The following TAF2 variants were observed in gnomAD, a reference collection of about 807,000 sequenced individuals.
TAF2 encodes the protein transcription initiation factor TFIID subunit 2.
TAF2 carries 61 observed loss-of-function variants against 138.5 expected under a neutral mutation model. The observed-to-expected ratio is 0.44, with a 90% CI of 0.36 to 0.54. TAF2 has a LOEUF of 0.54. Among genes scored for constraint, TAF2 ranks in the 20% least tolerant of loss-of-function variants. TAF2 has a pLI of 0.00. For missense variants in TAF2, 1,090 were observed against 1,427.9 expected (o/e 0.76, Z 3.81); for synonymous variants, 475 against 469.9 (o/e 1.01, Z -0.14).
In TAF2 at chr8:119,830,903, C is replaced by T. The variant is rs186801230; in HGVS notation, c.138+774G>A. ...GGTGAATCACTTGAGGTCAGGAGTTCGAGACCAGCCTGGCCAACATGGAGA... is the reference window on the plus strand; with the variant it reads ...GGTGAATCACTTGAGGTCAGGAGTTTGAGACCAGCCTGGCCAACATGGAGA... On this transcript the variant is annotated intron_variant, in intron 2 of 25. Transcript: ENST00000378164. Among the ~76,000 whole-genome samples the T allele has an allele frequency of 1.9e-3, 287 of 152,166 alleles. 1 individual carries two copies. The highest frequency in any genetic ancestry group is 3.2e-3 in the Admixed American group (49 of 15,260).
intron 20 of TAF2, 131 bp downstream of exon 20, chr8:119,760,467 TA>T (rs1820985958): frequency 3.0e-6 from 3 of 1,006,844 alleles, no homozygotes; most frequent in South Asian, 1.7e-5. Context: ...AGATGATTTC[TA>T]AATCACTAAG....
chr8:119,763,222 G>C (rs1821185806), intron 18 of TAF2, among the ~76,000 whole-genome samples: 1 of 151,900 alleles, frequency 6.6e-6, no homozygotes, highest in Non-Finnish European at 1.5e-5. Context: ...TACGGGGCAG[G>C]AAAAAAAGCA....
chr8:119,733,042 G>A (rs572981316), intron 25 of TAF2, among the ~76,000 whole-genome samples: 1 of 152,144 alleles, frequency 6.6e-6, no homozygotes, highest in East Asian at 1.9e-4. Context: ...AGATAGAAGA[G>A]CTGGTTTTTC....
intron 18 of TAF2, among the ~76,000 whole-genome samples, chr8:119,772,290 T>C (rs900493219): frequency 2.0e-5 from 3 of 152,116 alleles, no homozygotes; most frequent in African/African-American, 7.2e-5. Flanking sequence ...AAGAACAAAA[T>C]AGTCTTGTGC....
Position 119,778,133 on chromosome 8 carries a change from C to T in TAF2, c.2254-4G>A. 6.4e-7 allele frequency: 1 copy of T among 1,560,962 alleles called. No homozygotes were observed. Among genetic ancestry groups the T allele is most frequent in the African/African-American group, 1.6e-5 (1 of 63,858 alleles). On this transcript the variant is annotated splice_polypyrimidine_tract_variant and splice_region_variant and intron_variant, in intron 17 of 25. Coordinates refer to ENST00000378164, the MANE Select transcript of TAF2 (RefSeq NM_003184.4). ...AAGCCATTGCAACTGGCATAGTCTA[C>T]AAAAGAAAAAAAAGAACTTTTAAAA... is the stretch of plus-strand genomic sequence containing the variant.
intron 3 of TAF2, among the ~76,000 whole-genome samples, chr8:119,809,998 T>TAAAAAAAAA (rs56281726): frequency 1.7e-5 from 2 of 117,674 alleles, no homozygotes; most frequent in Admixed American, 9.3e-5. Flanking sequence ...CTTCAATTTG[T>TAAAAAAAAA]AAAAAAAAAA....
intron 23 of TAF2, chr8:119,744,785 T>C: frequency 2.5e-6 from 1 of 404,282 alleles, no homozygotes; most frequent in Non-Finnish European, 4.9e-6. Context: ...GTTGCGTGTG[T>C]TCCTGCTAAG....
At chr8:119,823,893 T>C (rs531401342) in intron 2 of TAF2, among the ~76,000 whole-genome samples, 1 of 152,278 alleles carries the variant, frequency 6.6e-6, no homozygotes, top group East Asian at 1.9e-4. Context: ...ATGAGAAACT[T>C]GTTGGGAACT....
intron 8 of TAF2, 52 bp downstream of exon 8, chr8:119,796,938 G>A: frequency 7.5e-7 from 1 of 1,340,212 alleles, no homozygotes; most frequent in Non-Finnish European, 1.1e-6. Flanking sequence ...AGAAAGAAAA[G>A]AAAAATAAAC....
intron 19 of TAF2, among the ~76,000 whole-genome samples, chr8:119,761,030 T>G (rs1821030220): frequency 6.6e-6 from 1 of 152,210 alleles, no homozygotes. Context: ...TCTACTGTAG[T>G]GTACAATAAT....
chr8:119,824,428 CAAA>C (rs71304910), intron 2 of TAF2, among the ~76,000 whole-genome samples: 22 of 125,608 alleles, frequency 1.8e-4, no homozygotes, highest in African/African-American at 1.8e-4. Flanking sequence ...GACTCCGTCT[CAAA>C]AAAAAAAAAA....
chr8:119,788,512 T>A, intron 13 of TAF2, 65 bp from the exon 14 acceptor site: 1 of 1,189,486 alleles, frequency 8.4e-7, no homozygotes, highest in Non-Finnish European at 1.2e-6. Flanking sequence ...TATGCTTATG[T>A]GTACAGAGAA....
At chr8:119,826,580 C>A (rs1046033790) in intron 2 of TAF2, among the ~76,000 whole-genome samples, 13 of 151,944 alleles carry the variant, frequency 8.6e-5, no homozygotes, top group Non-Finnish European at 1.8e-4. Flanking sequence ...AAATTAATAA[C>A]CATTCCATTT....
chr8:119,753,051 C>T (rs28735236), intron 22 of TAF2, among the ~76,000 whole-genome samples: 4,905 of 152,174 alleles, frequency 0.032, 145 homozygotes, highest in South Asian at 0.11. Context: ...TCCTCATTAC[C>T]ATTTCTTAAA....
intron 2 of TAF2, among the ~76,000 whole-genome samples, chr8:119,827,818 A>C (rs977345109): frequency 6.7e-6 from 1 of 149,980 alleles, no homozygotes; most frequent in Non-Finnish European, 1.5e-5. Flanking sequence ...ATCTCGGCTC[A>C]CTGCAACCTC....
chr8:119,813,951 A>G (rs1219724250), intron 3 of TAF2, among the ~76,000 whole-genome samples: 1 of 152,116 alleles, frequency 6.6e-6, no homozygotes, highest in South Asian at 2.1e-4. Context: ...CCATGCATCC[A>G]GTAAAAAATA....
chr8:119,816,837 G>A (rs1446398666), intron 3 of TAF2, among the ~76,000 whole-genome samples: 1 of 152,200 alleles, frequency 6.6e-6, no homozygotes, highest in Non-Finnish European at 1.5e-5. Context: ...GAATTGTGCA[G>A]TAACTTAATA....
intron 3 of TAF2, 93 bp downstream of exon 3, chr8:119,819,252 CA>C (rs542219064): frequency 9.9e-3 from 11,064 of 1,118,234 alleles, no homozygotes; most frequent in South Asian, 0.011. Context: ...ATTAACGATC[CA>C]AAAAAAAAAT....
At chr8:119,736,686 A>G (rs1026595981) in intron 25 of TAF2, among the ~76,000 whole-genome samples, 2 of 152,226 alleles carry the variant, frequency 1.3e-5, no homozygotes, top group African/African-American at 2.4e-5. Flanking sequence ...GAAAGTATAA[A>G]TTGAAATATC....
Sources: allele counts gnomAD v4.1 joint callset (sites outside exome capture counted in the v4.1 genomes callset), GRCh38; gene constraint gnomAD v4.1.1; transcripts MANE v1.5; gene names NCBI Gene and HGNC (gene_info 2026-07-23, HGNC 2026-07-21).